The following HSF2BP variants were observed in gnomAD, a reference collection of about 807,000 sequenced individuals.
The protein encoded by HSF2BP is heat shock transcription factor 2 binding protein, also known as heat shock factor 2-binding protein.
Under a neutral mutation model 35.0 loss-of-function variants are expected in HSF2BP, and 35 were observed. The ratio of observed to expected loss-of-function variants is 1.00; its 90% CI spans 0.76 to 1.32. The LOEUF is 1.32. HSF2BP is among the 40% of genes most tolerant of loss of function. The pLI is 0.00. For synonymous variants in HSF2BP, 114 were observed against 117.4 expected (o/e 0.97, Z 0.18); for missense variants, 326 against 321.7 (o/e 1.01, Z -0.10).
intron 6 of HSF2BP, among the ~76,000 whole-genome samples, chr21:43,615,749 A>C (rs2082261689): frequency 6.6e-6 from 1 of 152,188 alleles, no homozygotes; most frequent in Non-Finnish European, 1.5e-5. Context: ...AGTTTTACTA[A>C]GGAAATATTT....
intron 4 of HSF2BP, among the ~76,000 whole-genome samples, chr21:43,638,789 A>T (rs961076757): frequency 6.6e-6 from 1 of 152,248 alleles, no homozygotes. Context: ...AGGTTTTTGT[A>T]GACATAAACA....
chr21:43,644,928 T>C (rs990181597), intron 3 of HSF2BP, among the ~76,000 whole-genome samples: 2 of 152,114 alleles, frequency 1.3e-5, no homozygotes, highest in African/African-American at 4.8e-5. Context: ...GTGGAAACTA[T>C]GTAATACTTC....
At chr21:43,626,470 AT>A (rs1281835343) in intron 6 of HSF2BP, among the ~76,000 whole-genome samples, 2 of 152,200 alleles carry the variant, frequency 1.3e-5, no homozygotes, top group Non-Finnish European at 2.9e-5. Flanking sequence ...CAAATTCTGC[AT>A]TTTTCTTTCC....
At chr21:43,628,238 G>A (rs1468540608) in intron 6 of HSF2BP, among the ~76,000 whole-genome samples, 1 of 152,228 alleles carries the variant, frequency 6.6e-6, no homozygotes, top group Non-Finnish European at 1.5e-5. Context: ...CCTGCTGAAA[G>A]TTAGACCTCT....
intron 3 of HSF2BP, among the ~76,000 whole-genome samples, chr21:43,644,607 C>G (rs1379938953): frequency 1.3e-5 from 2 of 152,202 alleles, no homozygotes; most frequent in Non-Finnish European, 2.9e-5. Flanking sequence ...GCACAAAGGA[C>G]TTTGGTTGTT....
chr21:43,589,288 G>A (rs1034247518), intron 8 of HSF2BP, among the ~76,000 whole-genome samples: 2 of 152,146 alleles, frequency 1.3e-5, no homozygotes, highest in Non-Finnish European at 2.9e-5. Flanking sequence ...AAGCTAGCCA[G>A]AAACAAAGGA....
chr21:43,636,204 G>GAAAGAAAAGAAAAGAAAAGA (rs200084779), intron 4 of HSF2BP, among the ~76,000 whole-genome samples: 77 of 106,940 alleles, frequency 7.2e-4, no homozygotes, highest in South Asian at 2.0e-3. Context: ...AGAAAAAAAA[G>GAAAGAAAAGAAAAGAAAAGA]AAAGAAAAGA....
At chr21:43,657,607 T>A (rs1352491278) in intron 2 of HSF2BP, among the ~76,000 whole-genome samples, 1 of 152,230 alleles carries the variant, frequency 6.6e-6, no homozygotes, top group African/African-American at 2.4e-5. Context: ...GGAAGCAGGA[T>A]GTGAACACGG....
intron 6 of HSF2BP, among the ~76,000 whole-genome samples, chr21:43,618,724 CAGG>C (rs1003918840): frequency 1.3e-4 from 20 of 149,896 alleles, no homozygotes; most frequent in South Asian, 4.2e-4. Context: ...ATCACGAGGT[CAGG>C]AGATCAAGAC....
rs919849870 is a variant in HSF2BP, at chr21:43,572,351, G to A, written c.796+19874C>T. ...GTGCCACTGTAATAAAGAAAGCAGT[G>A]ACAGTCATAGGTGTAGACGTGACTG... On this transcript the variant is annotated intron_variant, in intron 8 of 8. Coordinates refer to ENST00000291560, the MANE Select transcript of HSF2BP (RefSeq NM_007031.2). Among the ~76,000 whole-genome samples, 4 of 152,348 alleles carry A rather than the reference G, an allele frequency of 2.6e-5. No individual in the cohort carries two copies. The East Asian group carries it at 5.8e-4, about 22-fold the overall frequency.
intron 4 of HSF2BP, among the ~76,000 whole-genome samples, chr21:43,637,022 C>T (rs1568933157): frequency 6.6e-6 from 1 of 151,696 alleles, no homozygotes; most frequent in Non-Finnish European, 1.5e-5. Flanking sequence ...AGCGAAGTGG[C>T]TCACGCCTAT....
chr21:43,573,995 C>T (rs890035767), intron 8 of HSF2BP, among the ~76,000 whole-genome samples: 4 of 152,160 alleles, frequency 2.6e-5, no homozygotes, highest in Non-Finnish European at 5.9e-5. Context: ...AGCCTCGAGG[C>T]CAAGCCATCG....
At chr21:43,583,288 A>AG (rs2081786016) in intron 8 of HSF2BP, among the ~76,000 whole-genome samples, 1 of 27,526 alleles carries the variant, frequency 3.6e-5, no homozygotes, top group Non-Finnish European at 6.7e-5. Context: ...AGGGAGATGA[A>AG]GACCTGCTGT....
chr21:43,629,143 C>T lies in HSF2BP; in HGVS notation c.574+1179G>A, dbSNP rs528310205. 1.1e-3 allele frequency among the ~76,000 whole-genome samples: 166 copies of T among 152,322 alleles called. 1 individual carries two copies. The highest frequency in any genetic ancestry group is 6.8e-3 in the Middle Eastern group (2 of 294). On this transcript the variant is annotated intron_variant, in intron 6 of 8. Transcript: ENST00000291560. ...CAAAAAGAAATTTCAACTTTCAAGTCCTATTTTTTTTAAGAACTACATTTC... is the reference window on the plus strand; with the variant it reads ...CAAAAAGAAATTTCAACTTTCAAGTTCTATTTTTTTTAAGAACTACATTTC...
intron 4 of HSF2BP, among the ~76,000 whole-genome samples, chr21:43,643,317 T>C (rs1380642964): frequency 6.6e-6 from 1 of 152,072 alleles, no homozygotes; most frequent in African/African-American, 2.4e-5. Context: ...TGCAAACTCA[T>C]GTTGAAATTT....
At chr21:43,573,439 T>C (rs1290922495) in intron 8 of HSF2BP, among the ~76,000 whole-genome samples, 1 of 152,194 alleles carries the variant, frequency 6.6e-6, no homozygotes, top group Non-Finnish European at 1.5e-5. Context: ...ATGTACATAA[T>C]TAGAAATCTT....
intron 3 of HSF2BP, among the ~76,000 whole-genome samples, chr21:43,653,202 GA>G (rs2082816719): frequency 1.2e-4 from 2 of 17,106 alleles, no homozygotes; most frequent in Non-Finnish European, 2.0e-4. Flanking sequence ...AAGGGAAGGG[GA>G]AGGGAAGGGA....
rs200214253 is a variant in HSF2BP at position 43,630,424 on chromosome 21, C to A, written c.472G>T (p.Gly158Cys). 1.1e-5 allele frequency: 18 copies of A among 1,612,488 alleles called. No individual in the cohort carries two copies. Among genetic ancestry groups the A allele is most frequent in the Non-Finnish European group, 6.8e-6 (8 of 1,179,598 alleles). The part of the protein sequence containing the change: ...DKALKFFSIT[G>C]QTMESFVKSL... ...TTCACAAAACTCTCCATTGTTTGAC[C>A]AGTGATGCTGAAAAACTTCAAAGCT... is the stretch of plus-strand genomic sequence containing the variant. The change falls in exon 6 of 9, where the codon GGT (glycine) becomes TGT (cysteine). Residue 158 changes from glycine to cysteine, a missense_variant. Transcript: ENST00000291560.
At chr21:43,467,905 GCACCACA>G in the HSF2BP span, among the ~76,000 whole-genome samples, 20 of 12,976 alleles carry the variant, frequency 1.5e-3, no homozygotes, top group East Asian at 3.4e-3. Flanking sequence ...CCACACACAC[GCACCACA>G]CACCACACAC....
Sources: gnomAD v4.1 joint callset for allele counts (sites outside exome capture counted in the v4.1 genomes callset) on GRCh38, gnomAD v4.1.1 for gene constraint, MANE v1.5 for transcripts, NCBI Gene and HGNC (gene_info 2026-07-23, HGNC 2026-07-21) for gene names.